Variants in NFKB1 observed in about 807,000 individuals in gnomAD.
NFKB1 encodes nuclear factor kappa B subunit 1.
Under a neutral mutation model 105.1 loss-of-function variants are expected in NFKB1, and 9 were observed. The ratio of observed to expected loss-of-function variants is 0.09; its 90% CI spans 0.05 to 0.15. The LOEUF (loss-of-function observed/expected upper bound fraction) is 0.15. Among genes scored for constraint, NFKB1 ranks in the 10% least tolerant of loss-of-function variants. NFKB1 has a pLI of 1.00. For synonymous variants in NFKB1, 440 were observed against 442.2 expected, an observed-to-expected ratio of 1.00 and a Z score of 0.06; for missense variants, 830 against 1,203.7, an observed-to-expected ratio of 0.69 and a Z score of 4.59.
At position 102,599,283 on chromosome 4, in the gene NFKB1, C is replaced by T. The variant is rs557896668; in HGVS notation, c.1638-1612C>T. ...TTTCAGAAGTCTTCTTCCAGTATCACATTTCAAGAAGCAATAGTGAAACCC... is the reference window on the plus strand; with the variant it reads ...TTTCAGAAGTCTTCTTCCAGTATCATATTTCAAGAAGCAATAGTGAAACCC... On this transcript the variant is annotated intron_variant, in intron 15 of 23. Coordinates refer to ENST00000226574, the MANE Select transcript of NFKB1 (RefSeq NM_003998.4). Among the ~76,000 whole-genome samples the T allele has an allele frequency of 3.3e-5, 5 of 152,266 alleles. No homozygotes were observed. In the East Asian group the frequency reaches 9.6e-4, roughly 29 times the overall value.
intron 11 of NFKB1, among the ~76,000 whole-genome samples, chr4:102,589,836 A>G (rs1040651717): frequency 6.6e-6 from 1 of 152,200 alleles, no homozygotes; most frequent in Non-Finnish European, 1.5e-5. Flanking sequence ...GAAGAAAGGT[A>G]TATGATAGAA....
intron 11 of NFKB1, among the ~76,000 whole-genome samples, chr4:102,585,150 A>G (rs1215952872): frequency 1.3e-5 from 2 of 152,048 alleles, no homozygotes. Context: ...TTGGCCTCCC[A>G]AAGTGCTGGG....
At chr4:102,598,803 A>C (rs2149210426) in intron 15 of NFKB1, among the ~76,000 whole-genome samples, 1 of 152,342 alleles carries the variant, frequency 6.6e-6, no homozygotes, top group Admixed American at 6.5e-5. Flanking sequence ...GTTAGAAAGG[A>C]AGTGCTGATA....
chr4:102,531,565 A>G (rs960351115), intron 3 of NFKB1, among the ~76,000 whole-genome samples: 10 of 152,186 alleles, frequency 6.6e-5, no homozygotes, highest in African/African-American at 2.2e-4. Flanking sequence ...GTTGAAGACT[A>G]TGGGATGCGA....
intron 1 of NFKB1, among the ~76,000 whole-genome samples, chr4:102,518,786 G>T (rs184084102): frequency 2.0e-5 from 3 of 152,158 alleles, no homozygotes; most frequent in African/African-American, 7.2e-5. Flanking sequence ...CTACTCAGCT[G>T]GTGCTAGGGA....
intron 11 of NFKB1, among the ~76,000 whole-genome samples, chr4:102,590,649 G>A (rs1017831624): frequency 2.0e-5 from 3 of 152,118 alleles, no homozygotes; most frequent in African/African-American, 7.2e-5. Flanking sequence ...AATGTTCTGT[G>A]TGTTCTGACT....
chr4:102,544,968 T>C (rs1215994876), intron 5 of NFKB1, among the ~76,000 whole-genome samples: 2 of 152,156 alleles, frequency 1.3e-5, no homozygotes, highest in Non-Finnish European at 2.9e-5. Flanking sequence ...CACTGTTCAA[T>C]CCGAAACAAA....
chr4:102,535,325 A>G (rs893476009), intron 4 of NFKB1, among the ~76,000 whole-genome samples: 1 of 152,206 alleles, frequency 6.6e-6, no homozygotes, highest in Non-Finnish European at 1.5e-5. Context: ...GAATTTTTAA[A>G]TGTAATTCCT....
At chr4:102,596,617 T>C (rs1726638805) in intron 14 of NFKB1, among the ~76,000 whole-genome samples, 1 of 152,154 alleles carries the variant, frequency 6.6e-6, no homozygotes, top group African/African-American at 2.4e-5. Flanking sequence ...TCAACTTCTT[T>C]TCTGGCACAG....
intron 1 of NFKB1, among the ~76,000 whole-genome samples, chr4:102,521,667 GC>G (rs991240493): frequency 2.6e-5 from 4 of 152,072 alleles, no homozygotes; most frequent in African/African-American, 9.7e-5. Context: ...GGACAGGCGT[GC>G]CCCCAACTCC....
intron 7 of NFKB1, chr4:102,577,841 T>TAGTA (rs967369561): frequency 3.7e-4 from 362 of 985,520 alleles, no homozygotes; most frequent in Non-Finnish European, 4.1e-4. Context: ...GTTCCACTTA[T>TAGTA]AGTAGTCTTC....
chr4:102,510,283 T>C (rs926283752), intron 1 of NFKB1, among the ~76,000 whole-genome samples: 3 of 152,218 alleles, frequency 2.0e-5, no homozygotes, highest in African/African-American at 7.2e-5. Context: ...TCTTATTTAC[T>C]TTTTATTTGC....
chr4:102,597,451 C>T, intron 14 of NFKB1, 69 bp from the exon 15 acceptor site: 2 of 1,493,188 alleles, frequency 1.3e-6, no homozygotes, highest in Non-Finnish European at 1.8e-6. Flanking sequence ...TCAGTTTGTC[C>T]TTAAGCATGC....
rs754301416 is a variant in NFKB1 at position 102,596,127 on chromosome 4, A to C, written c.1301-11A>C. ...ACTGAGAAAAATCTGATGTTTTTGC[A>C]TTTATCTTAGGAACCATGGACACTG... On this transcript the variant is annotated splice_polypyrimidine_tract_variant and intron_variant, in intron 13 of 23. Transcript: ENST00000226574. 1 of 1,507,920 alleles carries C rather than the reference A, an allele frequency of 6.6e-7. No homozygotes were observed. Among genetic ancestry groups the C allele is most frequent in the South Asian group, 1.4e-5 (1 of 73,002 alleles). The allele number at this position is 1,507,920 out of a possible 1,614,324, so 93.4% of individuals were successfully genotyped here.
intron 1 of NFKB1, among the ~76,000 whole-genome samples, chr4:102,521,586 A>G (rs1353013294): frequency 6.6e-6 from 1 of 152,240 alleles, no homozygotes; most frequent in Non-Finnish European, 1.5e-5. Flanking sequence ...TAGAAAGAAT[A>G]CATTTTCTTA....
At chr4:102,543,312 G>A (rs752948463) in intron 5 of NFKB1, among the ~76,000 whole-genome samples, 5 of 152,096 alleles carry the variant, frequency 3.3e-5, no homozygotes, top group East Asian at 1.9e-4. Flanking sequence ...AATGTGACAC[G>A]TCCTTCTGTG....
intron 20 of NFKB1, among the ~76,000 whole-genome samples, 193 bp from the exon 21 acceptor site, chr4:102,611,851 C>T (rs992379698): frequency 5.3e-5 from 8 of 152,214 alleles, no homozygotes; most frequent in African/African-American, 1.7e-4. Flanking sequence ...AGTACCAGAG[C>T]CCCTACAGCT....
chr4:102,505,577 T>C lies in NFKB1; in HGVS notation c.-8+3789T>C, dbSNP rs544516629. ...TTAAAATAGCTTTTATTTTGACCCA[T>C]GCCTTCAGTAGATATCAACAGACTT... is the stretch of plus-strand genomic sequence containing the variant. On this transcript the variant is annotated intron_variant, in intron 1 of 23. Transcript: ENST00000226574. Among the ~76,000 whole-genome samples the C allele has an allele frequency of 3.3e-5, 5 of 152,328 alleles. No individual in the cohort carries two copies. The East Asian group carries it at 9.6e-4, about 29-fold the overall frequency.
chr4:102,576,398 T>G (rs1360142402), intron 6 of NFKB1, among the ~76,000 whole-genome samples: 1 of 152,208 alleles, frequency 6.6e-6, no homozygotes. Flanking sequence ...AGAAAATACT[T>G]TAAAATGAAC....
Sources: allele counts gnomAD v4.1 joint callset (sites outside exome capture counted in the v4.1 genomes callset), GRCh38; gene constraint gnomAD v4.1.1; transcripts MANE v1.5; gene names NCBI Gene and HGNC (gene_info 2026-07-23, HGNC 2026-07-21).